The following IFNAR1 variants were observed in gnomAD, a reference collection of about 807,000 sequenced individuals.
The protein encoded by IFNAR1 is interferon alpha/beta receptor 1.
Under a neutral mutation model 62.1 loss-of-function variants are expected in IFNAR1, and 47 were observed. The observed-to-expected ratio is 0.76, with a 90% CI of 0.60 to 0.97. IFNAR1 has a LOEUF of 0.97. Ranked by LOEUF, IFNAR1 falls within the 50% of genes least tolerant of loss-of-function variation. IFNAR1 has a pLI of 0.00. For synonymous variants in IFNAR1, 219 were observed against 226.9 expected, an observed-to-expected ratio of 0.97 and a Z score of 0.31; for missense variants, 638 against 654.5, an observed-to-expected ratio of 0.97 and a Z score of 0.27.
chr21:33,349,480 T>A lies in IFNAR1; in HGVS notation c.1080T>A (p.Pro360=), dbSNP rs767035223. 4 of 1,611,724 alleles carry A rather than the reference T, an allele frequency of 2.5e-6. No homozygotes were observed. The Admixed American group carries it at 6.7e-5, about 27-fold the overall frequency. ...CTCCAAAACAGTCTGGAAACACGCC[T>A]GTGATCCAGGATTATCCACTGATTT... is the stretch of plus-strand genomic sequence containing the variant. ...IGAPKQSGNT[P]VIQDYPLIYE... The change falls in exon 8 of 11, where the codon CCT becomes CCA. Residue 360 remains proline (P), a synonymous_variant. Transcript: ENST00000270139.
rs541070791 is a variant in IFNAR1 at position 33,358,649 on chromosome 21, T to G, written c.*3100T>G. 1.3e-5 allele frequency: 2 copies of G among 151,996 alleles called. No homozygotes were observed. Among genetic ancestry groups the G allele is most frequent in the Non-Finnish European group, 2.9e-5 (2 of 67,998 alleles). The allele number at this position is 151,996 out of a possible 1,614,324, so 9.4% of individuals were successfully genotyped here. ...AAATTAGAACAGCTCCCTAGAATTGTGAACTTTTAAGAGTCTGACTAGAAA... is the reference window on the plus strand; with the variant it reads ...AAATTAGAACAGCTCCCTAGAATTGGGAACTTTTAAGAGTCTGACTAGAAA... On this transcript the variant is annotated 3_prime_UTR_variant, in exon 11 of 11. Transcript: ENST00000270139.
At chr21:33,329,034 T>C (rs1314612530) in intron 1 of IFNAR1, among the ~76,000 whole-genome samples, 2 of 152,190 alleles carry the variant, frequency 1.3e-5, no homozygotes, top group African/African-American at 4.8e-5. Flanking sequence ...TTAATAACTT[T>C]ATTTCCAAGC....
At chr21:33,324,595 T>G, upstream of IFNAR1, 5 of 156,670 alleles carry the variant, frequency 3.2e-5, no homozygotes, top group East Asian at 1.9e-4. Context: ...ACTGCAGACA[T>G]GGGGAAGAGA....
At chr21:33,325,493 C>T (rs1189116819) in intron 1 of IFNAR1, among the ~76,000 whole-genome samples, 1 of 152,192 alleles carries the variant, frequency 6.6e-6, no homozygotes, top group Non-Finnish European at 1.5e-5. Flanking sequence ...TGCATTTCCT[C>T]AATCTGGTGA....
chr21:33,358,942 GAA>G lies in IFNAR1; in HGVS notation c.*3394_*3395del, dbSNP rs1234916082. ...TGCTCTTAAGGGGTTTAGGTGTGCA[GAA>G]GCTTTCCTTTCCCTACCCAGTAACC... On this transcript the variant is annotated 3_prime_UTR_variant, in exon 11 of 11. Coordinates refer to ENST00000270139, the MANE Select transcript of IFNAR1 (RefSeq NM_000629.3). 1 of 152,000 alleles carries G rather than the reference GAA, an allele frequency of 6.6e-6. No homozygotes were observed. The highest frequency in any genetic ancestry group is 1.5e-5 in the Non-Finnish European group (1 of 67,994). 9.4% of individuals were successfully genotyped at this position (152,000 alleles called of 1,614,324 possible).
rs766459162 is a variant in IFNAR1 at position 33,325,024 on chromosome 21, A to T, written c.-32A>T. The T allele has an allele frequency of 1.9e-6, 3 of 1,568,916 alleles. No homozygotes were observed. Among genetic ancestry groups the T allele is most frequent in the Non-Finnish European group, 2.6e-6 (3 of 1,156,358 alleles). The stretch of plus-strand genomic sequence containing the variant: ...TGAGAGGAGCTGCGCGTGCGCGAAC[A>T]TGTAACTGGTGGGATCTGCGGCGGC... On this transcript the variant is annotated 5_prime_UTR_variant, in exon 1 of 11. An upstream start codon of the reference 5' UTR is lost. Coordinates refer to ENST00000270139, the MANE Select transcript of IFNAR1 (RefSeq NM_000629.3).
At position 33,356,502 on chromosome 21, in the gene IFNAR1, A is replaced by G. The variant is rs527641726; in HGVS notation, c.*953A>G. 1 of 152,338 alleles carries G rather than the reference A, an allele frequency of 6.6e-6. No individual in the cohort carries two copies. Among genetic ancestry groups the G allele is most frequent in the East Asian group, 1.9e-4 (1 of 5,196 alleles). The allele number at this position is 152,338 out of a possible 1,614,324, so 9.4% of individuals were successfully genotyped here. A position where few individuals can be genotyped will look rare whatever the true frequency, so the allele number is the denominator to read the frequency against. ...AGAACATTGGCTTCCACATCACAGT[A>G]TCTACCCTTACATGGTTTAGGATTA... On this transcript the variant is annotated 3_prime_UTR_variant, in exon 11 of 11. Transcript: ENST00000270139.
At chr21:33,332,024 G>A (rs556983077) in intron 1 of IFNAR1, among the ~76,000 whole-genome samples, 86 of 152,228 alleles carry the variant, frequency 5.6e-4, no homozygotes, top group African/African-American at 1.8e-3. Context: ...GTAGGTTTGT[G>A]AGATCCTGAG....
chr21:33,352,702 T>G (rs1393895163), intron 8 of IFNAR1, 56 bp from the exon 9 acceptor site: 13 of 948,788 alleles, frequency 1.4e-5, no homozygotes, highest in Admixed American at 2.1e-5. Flanking sequence ...AAAGCACATA[T>G]TCCCTGATTT....
chr21:33,335,740 G>A (rs2083227786), intron 2 of IFNAR1, 93 bp downstream of exon 2: 1 of 1,102,390 alleles, frequency 9.1e-7, no homozygotes, highest in East Asian at 2.7e-5. Flanking sequence ...AAAGTGTTTG[G>A]TTTTTCTATT....
intron 1 of IFNAR1, 88 bp downstream of exon 1, chr21:33,325,219 C>G: frequency 8.8e-7 from 1 of 1,130,520 alleles, no homozygotes; most frequent in Non-Finnish European, 1.3e-6. Flanking sequence ...TTGGGGGCGA[C>G]AGACGCCCAG....
At chr21:33,345,115 T>C in intron 5 of IFNAR1, 131 bp from the exon 6 acceptor site, 5 of 617,980 alleles carry the variant, frequency 8.1e-6, no homozygotes, top group Non-Finnish European at 1.4e-5. Context: ...CTGCATAGTA[T>C]TACATAGTGT....
chr21:33,352,727 A>G (rs771259364), intron 8 of IFNAR1, 31 bp from the exon 9 acceptor site: 2 of 1,310,584 alleles, frequency 1.5e-6, no homozygotes, highest in African/African-American at 1.5e-5. Context: ...AGGTGACTAA[A>G]TTTTATCAGT....
At chr21:33,343,928 G>C (rs2083319099) in intron 5 of IFNAR1, among the ~76,000 whole-genome samples, 1 of 152,212 alleles carries the variant, frequency 6.6e-6, no homozygotes, top group Non-Finnish European at 1.5e-5. Flanking sequence ...GGCTGAGGTA[G>C]CTGGATCACT....
chr21:33,332,820 T>C (rs2083194448), intron 1 of IFNAR1, among the ~76,000 whole-genome samples: 2 of 152,190 alleles, frequency 1.3e-5, no homozygotes, highest in African/African-American at 4.8e-5. Flanking sequence ...ATTACTTAAT[T>C]GTAGAAAAAA....
intron 1 of IFNAR1, among the ~76,000 whole-genome samples, chr21:33,332,118 C>T (rs1472268718): frequency 6.6e-6 from 1 of 152,218 alleles, no homozygotes; most frequent in East Asian, 1.9e-4. Context: ...TAGCCCCTGT[C>T]AGACCTGACA....
intron 3 of IFNAR1, among the ~76,000 whole-genome samples, chr21:33,341,855 A>AT (rs1254040441): frequency 6.6e-6 from 1 of 151,868 alleles, no homozygotes; most frequent in African/African-American, 2.4e-5. Context: ...CCAATTTTGT[A>AT]TTTTTAGTAG....
intron 6 of IFNAR1, among the ~76,000 whole-genome samples, chr21:33,347,478 G>A (rs2083360669): frequency 1.3e-5 from 2 of 151,986 alleles, no homozygotes; most frequent in African/African-American, 4.8e-5. Flanking sequence ...TGTTTGCCAG[G>A]CTGTTCGCAA....
chr21:33,325,061 G>A lies in IFNAR1; in HGVS notation c.6G>A (p.Met2Ile). Residue 2 changes from methionine (M) to isoleucine (I), a missense_variant, in exon 1 of 11, where the codon ATG becomes ATA. Physicochemically the swap from Met to Ile is conservative, Grantham distance 10. Coordinates refer to ENST00000270139, the MANE Select transcript of IFNAR1 (RefSeq NM_000629.3). M[M>I]VVLLGATTLV... The stretch of plus-strand genomic sequence containing the variant: ...GGATCTGCGGCGGCTCCCAGATGAT[G>A]GTCGTCCTCCTGGGCGCGACGACCC... 2 of 1,604,706 alleles carry A rather than the reference G, an allele frequency of 1.2e-6. No individual in the cohort carries two copies. Among genetic ancestry groups the A allele is most frequent in the Non-Finnish European group, 1.7e-6 (2 of 1,176,684 alleles).
Sources: gnomAD v4.1 joint callset for allele counts (sites outside exome capture counted in the v4.1 genomes callset) on GRCh38, gnomAD v4.1.1 for gene constraint, MANE v1.5 for transcripts, NCBI Gene and HGNC (gene_info 2026-07-23, HGNC 2026-07-21) for gene names.